Variants in FNDC3B observed in about 807,000 individuals in gnomAD.
FNDC3B encodes fibronectin type III domain-containing protein 3B.
FNDC3B carries 12 observed loss-of-function variants against 151.5 expected under a neutral mutation model. The ratio of observed to expected loss-of-function variants is 0.08; its 90% CI spans 0.05 to 0.13. FNDC3B has a LOEUF of 0.13. FNDC3B is among the 10% of genes least tolerant of loss of function. The pLI is 1.00. For missense variants in FNDC3B, 1,214 were observed against 1,505.3 expected (o/e 0.81, Z 3.20); for synonymous variants, 528 against 549.0 (o/e 0.96, Z 0.54).
intron 3 of FNDC3B, among the ~76,000 whole-genome samples, chr3:172,194,557 A>G (rs1295874886): frequency 6.6e-6 from 1 of 152,236 alleles, no homozygotes; most frequent in Non-Finnish European, 1.5e-5. Flanking sequence ...TGGTACTGCT[A>G]AATGGGTTGG....
chr3:172,130,743 C>T (rs1037548118), intron 2 of FNDC3B, among the ~76,000 whole-genome samples: 5 of 152,098 alleles, frequency 3.3e-5, no homozygotes, highest in Admixed American at 3.3e-4. Context: ...TTTTCTGAAC[C>T]GGTATTCAGG....
At chr3:172,131,662 TA>T (rs1282915841) in intron 2 of FNDC3B, among the ~76,000 whole-genome samples, 1 of 152,198 alleles carries the variant, frequency 6.6e-6, no homozygotes. Context: ...TTTTCTGATT[TA>T]AAAAAATTTA....
rs1282630312 is a variant in FNDC3B at position 172,040,891 on chromosome 3, C to G, written c.-29+1120C>G. On this transcript the variant is annotated intron_variant, in intron 1 of 25. Transcript: ENST00000415807. This position sits in a 1 kb window ranked among gnomAD's most constrained non-coding sequence, Gnocchi z 6.6. ...GTCTCGGGAGACTGGGCTGCGCCGC[C>G]CGGCGGCGCCTTTGGCGGGGAGGCT... Among the ~76,000 whole-genome samples, 1 of 152,134 alleles carries G rather than the reference C, an allele frequency of 6.6e-6. No homozygotes were observed. Among genetic ancestry groups the G allele is most frequent in the African/African-American group, 2.4e-5 (1 of 41,452 alleles).
intron 3 of FNDC3B, among the ~76,000 whole-genome samples, chr3:172,179,030 G>T (rs889396998): frequency 6.6e-6 from 1 of 152,122 alleles, no homozygotes; most frequent in African/African-American, 2.4e-5. Flanking sequence ...AGGTTAGTAG[G>T]CCATAGGGCC....
intron 22 of FNDC3B, among the ~76,000 whole-genome samples, chr3:172,361,271 C>T (rs1292395722): frequency 6.6e-6 from 1 of 152,210 alleles, no homozygotes; most frequent in African/African-American, 2.4e-5. Context: ...CCTTCTCTAC[C>T]ACATGGCCAG....
intron 1 of FNDC3B, among the ~76,000 whole-genome samples, chr3:172,065,344 A>T (rs1339501559): frequency 6.6e-6 from 1 of 152,106 alleles, no homozygotes; most frequent in Non-Finnish European, 1.5e-5. Flanking sequence ...AAGAAAAAAA[A>T]TTTTTGGTAG....
chr3:172,190,435 GAA>G (rs770460585), intron 3 of FNDC3B, among the ~76,000 whole-genome samples: 2 of 152,166 alleles, frequency 1.3e-5, no homozygotes, highest in African/African-American at 2.4e-5. Flanking sequence ...CAAATGCTAG[GAA>G]TCGGATTGCA....
At chr3:172,319,185 T>C (rs1232456216) in intron 11 of FNDC3B, among the ~76,000 whole-genome samples, 1 of 152,238 alleles carries the variant, frequency 6.6e-6, no homozygotes, top group Non-Finnish European at 1.5e-5. Context: ...TTGTCATGGC[T>C]TCTCATCGTG....
intron 24 of FNDC3B, among the ~76,000 whole-genome samples, chr3:172,379,338 G>A (rs955018628): frequency 6.6e-5 from 10 of 152,240 alleles, no homozygotes; most frequent in Non-Finnish European, 1.5e-5. Flanking sequence ...AGATAGCAGG[G>A]TAAGTACAAC....
intron 4 of FNDC3B, among the ~76,000 whole-genome samples, chr3:172,231,630 T>A (rs1726894293): frequency 6.6e-6 from 1 of 152,092 alleles, no homozygotes; most frequent in Admixed American, 6.5e-5. Context: ...TTATGTCTAG[T>A]TTTCACTGTC....
At chr3:172,289,497 G>A (rs1730207096) in intron 7 of FNDC3B, among the ~76,000 whole-genome samples, 1 of 152,208 alleles carries the variant, frequency 6.6e-6, no homozygotes, top group Admixed American at 6.5e-5. Flanking sequence ...CCTCATAAAT[G>A]TTATTGCCTG....
intron 2 of FNDC3B, among the ~76,000 whole-genome samples, chr3:172,118,046 A>T: frequency 6.6e-6 from 1 of 152,152 alleles, no homozygotes. Context: ...TTTCATGGAG[A>T]GAGTTTTTTT....
At chr3:172,095,788 TAAA>T (rs918165248) in intron 1 of FNDC3B, among the ~76,000 whole-genome samples, 2 of 99,630 alleles carry the variant, frequency 2.0e-5, no homozygotes, top group Non-Finnish European at 4.1e-5. Flanking sequence ...TTTTCTTTGT[TAAA>T]AAAACAAACA....
intron 14 of FNDC3B, 59 bp downstream of exon 14, chr3:172,333,234 C>A: frequency 9.3e-7 from 1 of 1,076,768 alleles, no homozygotes; most frequent in Non-Finnish European, 1.4e-6. Context: ...TCTATTTCAC[C>A]ATTTACCATG....
intron 6 of FNDC3B, among the ~76,000 whole-genome samples, chr3:172,258,486 C>A (rs909305897): frequency 6.6e-6 from 1 of 152,146 alleles, no homozygotes; most frequent in Admixed American, 6.5e-5. Flanking sequence ...AGCTTTACTT[C>A]CCCCAAAGCA....
chr3:172,153,277 C>T lies in FNDC3B; in HGVS notation c.187+19731C>T, dbSNP rs531832892. The stretch of plus-strand genomic sequence containing the variant: ...GGAATATCTGGGGAACATTGAAAAA[C>T]GGGGAAAGTCTCAAAGATAGTATTC... On this transcript the variant is annotated intron_variant, in intron 3 of 25. Transcript: ENST00000415807. Among the ~76,000 whole-genome samples the T allele has an allele frequency of 5.3e-5, 8 of 152,150 alleles. No individual in the cohort carries two copies. The South Asian group carries it at 6.2e-4, about 12-fold the overall frequency.
At chr3:172,154,408 G>A (rs1215180817) in intron 3 of FNDC3B, among the ~76,000 whole-genome samples, 1 of 152,190 alleles carries the variant, frequency 6.6e-6, no homozygotes, top group Non-Finnish European at 1.5e-5. Flanking sequence ...TAGAGACGGG[G>A]TTTCACCATG....
In FNDC3B at chr3:172,381,073, A is replaced by G; in HGVS notation, c.3283A>G (p.Arg1095Gly). 1.2e-6 allele frequency: 2 copies of G among 1,613,688 alleles called. No individual in the cohort carries two copies. The highest frequency in any genetic ancestry group is 1.1e-5 in the South Asian group (1 of 91,074). The change falls in exon 25 of 26, where the codon AGA (arginine) becomes GGA (glycine). Residue 1095 changes from arginine to glycine, a missense_variant. Arg to Gly is a moderately radical substitution (Grantham distance 125). Transcript: ENST00000415807. ...VNYILQVLVG[R>G]ESEYKQVYKG... is the part of the protein sequence containing the mutation. ...CTACATTCTGCAGGTATTGGTTGGA[A>G]GAGAATCTGAGTACAAACAGGTAAG...
chr3:172,212,181 CTTTGCCAG>C (rs1479750501), intron 3 of FNDC3B, among the ~76,000 whole-genome samples: 1 of 152,190 alleles, frequency 6.6e-6, no homozygotes, highest in Non-Finnish European at 1.5e-5. Context: ...TTATAGTCAT[CTTTGCCAG>C]CTGAAGCATA....
Sources: allele counts gnomAD v4.1 joint callset (sites outside exome capture counted in the v4.1 genomes callset), GRCh38; gene constraint gnomAD v4.1.1; non-coding constraint Gnocchi (gnomAD v3.1); transcripts MANE v1.5; gene names NCBI Gene and HGNC (gene_info 2026-07-23, HGNC 2026-07-21).